Variants in LHX8 observed in about 807,000 individuals in gnomAD.
LHX8 encodes the protein LIM homeobox 8.
LHX8 carries 12 observed loss-of-function variants against 40.3 expected under a neutral mutation model. The observed-to-expected ratio is 0.30, with a 90% CI of 0.19 to 0.48. The LOEUF is 0.48. LHX8 is among the 20% of genes least tolerant of loss of function. The probability of loss-of-function intolerance (pLI) is 0.99; values close to 1 mark genes in which losing one functional copy is unlikely to be tolerated. For missense variants in LHX8, 344 were observed against 433.7 expected, an observed-to-expected ratio of 0.79 and a Z score of 1.84; for synonymous variants, 179 against 162.0, an observed-to-expected ratio of 1.10 and a Z score of -0.80.
the LHX8 span, among the ~76,000 whole-genome samples, chr1:75,193,411 G>A: frequency 6.6e-6 from 1 of 152,136 alleles, no homozygotes; most frequent in Non-Finnish European, 1.5e-5. Context: ...CTATTCAAAT[G>A]TAGATTCTGA....
the LHX8 span, among the ~76,000 whole-genome samples, chr1:75,192,891 G>T: frequency 6.6e-6 from 1 of 151,996 alleles, no homozygotes; most frequent in African/African-American, 2.4e-5. Flanking sequence ...CGGGGGTTTT[G>T]CCATGTTGGC....
intron 7 of LHX8, among the ~76,000 whole-genome samples, chr1:75,154,424 T>C (rs1469155843): frequency 6.6e-6 from 1 of 152,120 alleles, no homozygotes; most frequent in Non-Finnish European, 1.5e-5. Flanking sequence ...TGGTGTTTCT[T>C]TTGTTTTACA....
upstream of LHX8, chr1:75,131,755 G>A (rs1553131996): frequency 6.6e-6 from 1 of 152,260 alleles, no homozygotes; most frequent in African/African-American, 2.4e-5. Context: ...TACACTCAAG[G>A]CTTCCCTTAA....
At chr1:75,181,253 A>T in the LHX8 span, among the ~76,000 whole-genome samples, 2 of 152,200 alleles carry the variant, frequency 1.3e-5, no homozygotes, top group Non-Finnish European at 2.9e-5. Flanking sequence ...GAGCTGTCAG[A>T]CAGAGATGTT....
intron 7 of LHX8, among the ~76,000 whole-genome samples, chr1:75,154,556 T>C (rs1281790606): frequency 6.6e-6 from 1 of 152,184 alleles, no homozygotes; most frequent in Admixed American, 6.6e-5. Context: ...ATGTGTCTTC[T>C]GGGTCCCATA....
chr1:75,137,259 A>G lies in LHX8; in HGVS notation c.235A>G (p.Lys79Glu). ...GGAGATCGTGGACAAATACCTTCTCAAGGTAGGATAGGGCCTCGGGTGCGA... is the reference window on the plus strand; with the variant it reads ...GGAGATCGTGGACAAATACCTTCTCGAGGTAGGATAGGGCCTCGGGTGCGA... ...GLEIVDKYLL[K>E]VNDLCWHVRC... Residue 79 changes from lysine to glutamate, a missense_variant and splice_region_variant, in exon 3 of 9, where the codon AAG becomes GAG. Lys to Glu is a moderately conservative substitution (Grantham distance 56). Transcript: ENST00000356261. 1 of 1,612,520 alleles carries G rather than the reference A, an allele frequency of 6.2e-7. No homozygotes were observed. The highest frequency in any genetic ancestry group is 8.5e-7 in the Non-Finnish European group (1 of 1,179,200).
intron 5 of LHX8, 44 bp from the exon 6 acceptor site, chr1:75,143,801 C>T: frequency 7.3e-7 from 1 of 1,367,048 alleles, no homozygotes; most frequent in African/African-American, 1.4e-5. Flanking sequence ...GATGGGTGTA[C>T]CCATTTGAAT....
chr1:75,197,641 G>A, the LHX8 span, among the ~76,000 whole-genome samples: 5 of 152,024 alleles, frequency 3.3e-5, no homozygotes, highest in Non-Finnish European at 5.9e-5. Flanking sequence ...TTTTAAACAT[G>A]GTTTTTTCTT....
At chr1:75,136,216 C>G (rs1229197958) in intron 1 of LHX8, among the ~76,000 whole-genome samples, 1 of 152,220 alleles carries the variant, frequency 6.6e-6, no homozygotes, top group Non-Finnish European at 1.5e-5. Context: ...TCCCACTGCC[C>G]CGCACCCCCT....
chr1:75,153,042 G>A (rs1648651919), intron 7 of LHX8, among the ~76,000 whole-genome samples: 1 of 151,862 alleles, frequency 6.6e-6, no homozygotes, highest in Admixed American at 6.6e-5. Flanking sequence ...TTTCCACACA[G>A]AACATTTATA....
the LHX8 span, among the ~76,000 whole-genome samples, chr1:75,175,000 T>A: frequency 6.6e-6 from 1 of 152,162 alleles, no homozygotes; most frequent in Non-Finnish European, 1.5e-5. Context: ...TTCTATTATA[T>A]CATTCTTACG....
the LHX8 span, among the ~76,000 whole-genome samples, chr1:75,167,975 T>A: frequency 6.6e-6 from 1 of 152,236 alleles, no homozygotes; most frequent in Non-Finnish European, 1.5e-5. Flanking sequence ...CCAAATTGGC[T>A]GACTCCCCAG....
chr1:75,143,765 G>T (rs1176718543), intron 5 of LHX8, 80 bp from the exon 6 acceptor site: 1 of 1,067,558 alleles, frequency 9.4e-7, no homozygotes, highest in South Asian at 1.3e-5. Flanking sequence ...AAAAAGCCAA[G>T]AGATATAAGA....
At chr1:75,153,095 CT>C (rs982991453) in intron 7 of LHX8, among the ~76,000 whole-genome samples, 24 of 150,502 alleles carry the variant, frequency 1.6e-4, no homozygotes, top group African/African-American at 5.1e-4. Flanking sequence ...TAGTTTTGGC[CT>C]TTTTTTTTGT....
chr1:75,164,817 A>G (rs988650346), downstream of LHX8, among the ~76,000 whole-genome samples: 2 of 150,440 alleles, frequency 1.3e-5, no homozygotes, highest in Middle Eastern at 3.4e-3. Context: ...CTACAGATGC[A>G]TGCCACCACA....
Position 75,143,315 on chromosome 1 carries a change from A to G in LHX8, c.557A>G (p.Asn186Ser), listed in dbSNP as rs1648367396. 1.2e-6 allele frequency: 2 copies of G among 1,610,618 alleles called. No homozygotes were observed. Among genetic ancestry groups the G allele is most frequent in the Non-Finnish European group, 1.7e-6 (2 of 1,177,300 alleles). Reference protein sequence around the residue: ...CRVHYDCMLDNLKREVENGNG... With the variant: ...CRVHYDCMLDSLKREVENGNG... ...GTACATTATGACTGCATGCTGGATA[A>G]TTTAAAAAGAGAAGTAGAAAATGGT... is the stretch of plus-strand genomic sequence containing the variant. Residue 186 changes from asparagine (N) to serine (S), a missense_variant, in exon 5 of 9, where the codon AAT becomes AGT. By Grantham distance (46) the Asn-to-Ser change is conservative. Transcript: ENST00000356261.
intron 7 of LHX8, among the ~76,000 whole-genome samples, chr1:75,154,526 T>A (rs1474909291): frequency 6.6e-6 from 1 of 152,108 alleles, no homozygotes; most frequent in Non-Finnish European, 1.5e-5. Flanking sequence ...TGTTTTAGGT[T>A]ATATGTAGTC....
intron 6 of LHX8, among the ~76,000 whole-genome samples, chr1:75,147,105 T>C (rs144482076): frequency 3.2e-4 from 49 of 152,276 alleles, no homozygotes; most frequent in African/African-American, 1.1e-3. Flanking sequence ...AAAGAAAGAA[T>C]AAAGTGAACT....
chr1:75,166,510 G>A (rs2100373806), downstream of LHX8, among the ~76,000 whole-genome samples: 1 of 152,242 alleles, frequency 6.6e-6, no homozygotes, highest in South Asian at 2.1e-4. Flanking sequence ...CCGGAACCAG[G>A]GTGATGTCTC....
Sources: gnomAD v4.1 joint callset for allele counts (sites outside exome capture counted in the v4.1 genomes callset) on GRCh38, gnomAD v4.1.1 for gene constraint, MANE v1.5 for transcripts, NCBI Gene and HGNC (gene_info 2026-07-23, HGNC 2026-07-21) for gene names.